PIWIL2: variants seen among roughly 807,000 people sequenced by gnomAD.
PIWIL2 encodes piwi-like protein 2.
In PIWIL2, 81 loss-of-function variants were observed where a neutral mutation model predicts 116.5. That is an observed-to-expected ratio of 0.70 (90% CI 0.58 to 0.84). The LOEUF is 0.84. Ranked by LOEUF, PIWIL2 falls within the 40% of genes least tolerant of loss-of-function variation. PIWIL2 has a pLI of 0.00. For missense variants in PIWIL2, 1,272 were observed against 1,212.3 expected, an observed-to-expected ratio of 1.05 and a Z score of -0.73; for synonymous variants, 489 against 429.5, an observed-to-expected ratio of 1.14 and a Z score of -1.71.
intron 20 of PIWIL2, 124 bp downstream of exon 20, chr8:22,318,399 C>A: frequency 3.5e-6 from 2 of 570,734 alleles, no homozygotes; most frequent in South Asian, 2.2e-5. Flanking sequence ...TTCACTGCAA[C>A]CTCTGCCTCC....
intron 20 of PIWIL2, among the ~76,000 whole-genome samples, chr8:22,337,621 C>T (rs956892358): frequency 1.3e-5 from 2 of 150,848 alleles, no homozygotes; most frequent in African/African-American, 4.9e-5. Context: ...ATCCGAGGTA[C>T]TTGGGAGATG....
At chr8:22,312,136 C>T (rs566601424) in intron 16 of PIWIL2, among the ~76,000 whole-genome samples, 8 of 152,040 alleles carry the variant, frequency 5.3e-5, no homozygotes, top group African/African-American at 1.9e-4. Flanking sequence ...TGGTGGCATG[C>T]ACCTGTAGTA....
intron 20 of PIWIL2, among the ~76,000 whole-genome samples, chr8:22,319,718 GCCT>G (rs1831550307): frequency 6.6e-6 from 1 of 152,182 alleles, no homozygotes; most frequent in African/African-American, 2.4e-5. Context: ...GGCTCTTTGG[GCCT>G]CCTCCTTGCA....
At position 22,284,288 on chromosome 8, in the gene PIWIL2, C is replaced by T; in HGVS notation, c.743+16C>T. ...TGACTTTCAGGTATTCACAGCTTTC[C>T]TTTGTATTGTTCACTTCTTAAAGGG... is the stretch of plus-strand genomic sequence containing the variant. On this transcript the variant is annotated intron_variant, in intron 6 of 22. Transcript: ENST00000356766. 1.5e-6 allele frequency: 2 copies of T among 1,327,866 alleles called. No individual in the cohort carries two copies. Among genetic ancestry groups the T allele is most frequent in the Non-Finnish European group, 2.1e-6 (2 of 937,750 alleles). The allele number at this position is 1,327,866 out of a possible 1,614,324, so 82.3% of individuals were successfully genotyped here.
intron 20 of PIWIL2, among the ~76,000 whole-genome samples, chr8:22,350,627 G>A (rs1422498375): frequency 6.6e-6 from 1 of 152,052 alleles, no homozygotes; most frequent in African/African-American, 2.4e-5. Flanking sequence ...CCACAAACTG[G>A]TGCAATCTGA....
intron 20 of PIWIL2, among the ~76,000 whole-genome samples, chr8:22,322,646 T>C (rs1831627115): frequency 6.6e-6 from 1 of 151,228 alleles, no homozygotes; most frequent in Non-Finnish European, 1.5e-5. Flanking sequence ...TTCCTTGTCC[T>C]GTCCTTGTCC....
chr8:22,336,733 C>T (rs1287548285), intron 20 of PIWIL2, among the ~76,000 whole-genome samples: 1 of 152,012 alleles, frequency 6.6e-6, no homozygotes. Context: ...TAGTGAGACC[C>T]TGTCTCTAAA....
intron 20 of PIWIL2, among the ~76,000 whole-genome samples, chr8:22,318,759 G>T (rs1232982707): frequency 6.6e-6 from 1 of 152,210 alleles, no homozygotes; most frequent in African/African-American, 2.4e-5. Flanking sequence ...TCAGGCTTCA[G>T]CTTGTACAGA....
intron 20 of PIWIL2, among the ~76,000 whole-genome samples, chr8:22,318,878 T>G (rs574790728): frequency 6.6e-6 from 1 of 152,214 alleles, no homozygotes; most frequent in African/African-American, 2.4e-5. Flanking sequence ...ATCGGGGAAG[T>G]TGGGGATAAG....
intron 20 of PIWIL2, among the ~76,000 whole-genome samples, chr8:22,338,562 C>T (rs1448674430): frequency 2.6e-5 from 4 of 152,116 alleles, no homozygotes; most frequent in South Asian, 4.2e-4. Flanking sequence ...TGTGGTGGTG[C>T]GTGCCTGTAA....
In PIWIL2 at chr8:22,283,101, A is replaced by G. The variant is rs770629586; in HGVS notation, c.493A>G (p.Arg165Gly). Residue 165 changes from arginine to glycine, a missense_variant, in exon 5 of 23, where the codon AGA becomes GGA. Coordinates refer to ENST00000356766, the MANE Select transcript of PIWIL2 (RefSeq NM_018068.5). ...GGGAAGAGCAGCAGGTGGTATCAGC[A>G]GAGAAGTGGACAAGCCTCCCTGTAC... ...PLGRAAGGIS[R>G]EVDKPPCTFS... 6.2e-7 allele frequency: 1 copy of G among 1,614,130 alleles called. No individual in the cohort carries two copies. The highest frequency in any genetic ancestry group is 2.2e-5 in the East Asian group (1 of 44,878).
intron 6 of PIWIL2, 84 bp from the exon 7 acceptor site, chr8:22,287,444 G>A (rs1830654155): frequency 4.7e-6 from 4 of 852,468 alleles, no homozygotes; most frequent in Admixed American, 1.7e-5. Context: ...AGCAGTTACT[G>A]GGTAACTAGC....
intron 20 of PIWIL2, among the ~76,000 whole-genome samples, chr8:22,351,414 A>G (rs1832349745): frequency 8.2e-6 from 1 of 122,456 alleles, no homozygotes; most frequent in Non-Finnish European, 1.7e-5. Context: ...CATGTAGAGT[A>G]ACCTGTAAGG....
intron 20 of PIWIL2, among the ~76,000 whole-genome samples, chr8:22,334,497 G>T (rs1157475319): frequency 6.7e-6 from 1 of 149,856 alleles, no homozygotes; most frequent in Non-Finnish European, 1.5e-5. Flanking sequence ...ACTCCAGCCT[G>T]GGTGACAGTG....
chr8:22,280,147 T>TCATCCCTC (rs1377258487), intron 2 of PIWIL2, among the ~76,000 whole-genome samples: 1 of 152,230 alleles, frequency 6.6e-6, no homozygotes, highest in African/African-American at 2.4e-5. Context: ...TAGCTTCCGA[T>TCATCCCTC]CATCCCTCCA....
In PIWIL2 at chr8:22,355,530, T is replaced by G. The variant is rs1832470058; in HGVS notation, c.*25T>G. 3 of 1,607,590 alleles carry G rather than the reference T, an allele frequency of 1.9e-6. No homozygotes were observed. Among genetic ancestry groups the G allele is most frequent in the African/African-American group, 2.7e-5 (2 of 74,824 alleles). On this transcript the variant is annotated 3_prime_UTR_variant, in exon 23 of 23. Coordinates refer to ENST00000356766, the MANE Select transcript of PIWIL2 (RefSeq NM_018068.5). ...ACTGCACAGCTTGGAGATGGGCTGGTGAGAAGAAAGGCGGCCTCAGAACTC... is the reference window on the plus strand; with the variant it reads ...ACTGCACAGCTTGGAGATGGGCTGGGGAGAAGAAAGGCGGCCTCAGAACTC...
chr8:22,305,172 C>CATTCATTTATTT (rs35865110), intron 12 of PIWIL2, among the ~76,000 whole-genome samples: 177 of 143,940 alleles, frequency 1.2e-3, no homozygotes, highest in South Asian at 2.3e-3. Context: ...TATAGATATT[C>CATTCATTTATTT]ATTTATTTAT....
chr8:22,302,884 C>G (rs1831084978), intron 10 of PIWIL2, among the ~76,000 whole-genome samples: 1 of 152,202 alleles, frequency 6.6e-6, no homozygotes, highest in African/African-American at 2.4e-5. Flanking sequence ...GGATTTAGCC[C>G]TTAAATTTCT....
chr8:22,352,884 C>A, intron 20 of PIWIL2, 75 bp from the exon 21 acceptor site: 2 of 1,429,252 alleles, frequency 1.4e-6, no homozygotes, highest in South Asian at 2.6e-5. Flanking sequence ...CTACACAATG[C>A]GAGTGGGCCT....
Sources: gnomAD v4.1 joint callset for allele counts (sites outside exome capture counted in the v4.1 genomes callset) on GRCh38, gnomAD v4.1.1 for gene constraint, MANE v1.5 for transcripts, NCBI Gene and HGNC (gene_info 2026-07-23, HGNC 2026-07-21) for gene names.